Variants in CNTNAP5 observed in about 807,000 individuals in gnomAD.
CNTNAP5 encodes the protein contactin-associated protein-like 5.
A neutral mutation model predicts 150.2 loss-of-function variants in CNTNAP5; 72 were observed. The observed-to-expected ratio is 0.48, with a 90% confidence interval of 0.40 to 0.58. The LOEUF is 0.58. Ranked by LOEUF, CNTNAP5 falls within the 20% of genes least tolerant of loss-of-function variation. The probability of loss-of-function intolerance (pLI) is 0.00; values close to 1 mark genes in which losing one functional copy is unlikely to be tolerated. For missense variants in CNTNAP5, 1,636 were observed against 1,626.2 expected, an observed-to-expected ratio of 1.01 and a Z score of -0.10; for synonymous variants, 672 against 619.8, an observed-to-expected ratio of 1.08 and a Z score of -1.25.
intron 3 of CNTNAP5, among the ~76,000 whole-genome samples, chr2:124,318,827 T>C (rs1689031023): frequency 6.6e-6 from 1 of 152,088 alleles, no homozygotes; most frequent in Admixed American, 6.6e-5. Context: ...CTCCTAAATA[T>C]GCCTCCCTCT....
chr2:124,354,716 C>T (rs1359773509), intron 3 of CNTNAP5, among the ~76,000 whole-genome samples: 1 of 152,166 alleles, frequency 6.6e-6, no homozygotes, highest in African/African-American at 2.4e-5. Context: ...GCCACTCTTG[C>T]TTATTCTGAG....
intron 3 of CNTNAP5, among the ~76,000 whole-genome samples, chr2:124,344,178 G>C (rs1046332891): frequency 2.2e-4 from 34 of 151,988 alleles, no homozygotes; most frequent in Non-Finnish European, 2.9e-5. Context: ...ACCATATGCA[G>C]ACCATAGCAA....
intron 3 of CNTNAP5, among the ~76,000 whole-genome samples, chr2:124,389,585 C>T (rs780005): frequency 0.69 from 104,482 of 152,078 alleles, 36,994 homozygotes; most frequent in East Asian, 0.9. Context: ...ATTGCTTTGA[C>T]ACAATAAACA....
chr2:124,888,774 CT>C lies in CNTNAP5; in HGVS notation c.3437-14099del, dbSNP rs895353593. 7.3e-5 allele frequency among the ~76,000 whole-genome samples: 11 copies of C among 150,660 alleles called. No individual in the cohort carries two copies. The East Asian group carries it at 1.4e-3, about 19-fold the overall frequency. On this transcript the variant is annotated intron_variant, in intron 21 of 23. Coordinates refer to ENST00000682447, the MANE Select transcript of CNTNAP5 (RefSeq NM_001367498.1). ...GAAATGTCTGATCATGTCCTTTGCC[CT>C]TTTTTTTTAGTAAGGTTAACTGTTT...
At chr2:124,848,341 GAATT>G in intron 19 of CNTNAP5, among the ~76,000 whole-genome samples, 1 of 152,188 alleles carries the variant, frequency 6.6e-6, no homozygotes, top group Admixed American at 6.5e-5. Flanking sequence ...ATGTTATTGA[GAATT>G]AAAGTATTTT....
intron 3 of CNTNAP5, among the ~76,000 whole-genome samples, chr2:124,248,932 C>T (rs1687097818): frequency 6.6e-6 from 1 of 152,178 alleles, no homozygotes; most frequent in South Asian, 2.1e-4. Flanking sequence ...AAATCCACTG[C>T]TATTAAATTA....
intron 19 of CNTNAP5, among the ~76,000 whole-genome samples, chr2:124,802,974 G>C (rs1267877167): frequency 6.6e-6 from 1 of 152,008 alleles, no homozygotes; most frequent in Admixed American, 6.6e-5. Context: ...AATTAGCCAG[G>C]CATGGTGGCG....
chr2:124,093,016 G>A (rs1682850462), intron 1 of CNTNAP5, among the ~76,000 whole-genome samples: 2 of 152,170 alleles, frequency 1.3e-5, no homozygotes, highest in Non-Finnish European at 2.9e-5. Context: ...CATTTAAAAT[G>A]AATCAGTTGT....
intron 3 of CNTNAP5, among the ~76,000 whole-genome samples, chr2:124,377,680 AG>A (rs1690684738): frequency 8.2e-6 from 1 of 121,498 alleles, no homozygotes; most frequent in Admixed American, 7.9e-5. Flanking sequence ...CATCTCAAAA[AG>A]GAAAAAAAAA....
At position 124,690,508 on chromosome 2, in the gene CNTNAP5, A is replaced by G. The variant is rs997776144; in HGVS notation, c.2077+42550A>G. On this transcript the variant is annotated intron_variant, in intron 13 of 23. Transcript: ENST00000682447. ...GTTTCCAGTTCTTTGTTTCACCAATATCTGTTATGCAATGTTGCTTAAATT... is the reference window on the plus strand; with the variant it reads ...GTTTCCAGTTCTTTGTTTCACCAATGTCTGTTATGCAATGTTGCTTAAATT... 2.6e-5 allele frequency among the ~76,000 whole-genome samples: 4 copies of G among 152,074 alleles called. No individual in the cohort carries two copies. The East Asian group carries it at 7.7e-4, about 29-fold the overall frequency.
intron 3 of CNTNAP5, among the ~76,000 whole-genome samples, chr2:124,356,988 T>G (rs1690029202): frequency 6.6e-6 from 1 of 152,268 alleles, no homozygotes; most frequent in African/African-American, 2.4e-5. Flanking sequence ...GACTTTTTAA[T>G]GATTGCCATT....
chr2:124,189,439 C>A (rs997519800), intron 1 of CNTNAP5, among the ~76,000 whole-genome samples: 2 of 152,128 alleles, frequency 1.3e-5, no homozygotes, highest in African/African-American at 4.8e-5. Context: ...GCATTTTATT[C>A]ATCTTTTGAC....
intron 2 of CNTNAP5, among the ~76,000 whole-genome samples, chr2:124,237,251 G>A (rs998323640): frequency 2.0e-5 from 3 of 152,152 alleles, no homozygotes; most frequent in Non-Finnish European, 4.4e-5. Flanking sequence ...TTTGAAAGAC[G>A]GTTGTGAAAT....
chr2:124,693,201 A>T (rs987050699), intron 13 of CNTNAP5, among the ~76,000 whole-genome samples: 1 of 152,092 alleles, frequency 6.6e-6, no homozygotes, highest in Non-Finnish European at 1.5e-5. Context: ...CACTTTCCAC[A>T]AAGTGTGGAC....
rs138283548 is a variant in CNTNAP5, at chr2:124,909,439, C to G, written c.3656-2028C>G. Among the ~76,000 whole-genome samples the G allele has an allele frequency of 1.6e-3, 247 of 152,150 alleles. 1 individual carries two copies. Among genetic ancestry groups the G allele is most frequent in the African/African-American group, 5.7e-3 (238 of 41,530 alleles). ...ACACTCTATGATTTCCACACAACGACAAAATTGCCTAATGACACATTTCTC... is the reference window on the plus strand; with the variant it reads ...ACACTCTATGATTTCCACACAACGAGAAAATTGCCTAATGACACATTTCTC... On this transcript the variant is annotated intron_variant, in intron 22 of 23. Coordinates refer to ENST00000682447, the MANE Select transcript of CNTNAP5 (RefSeq NM_001367498.1).
intron 17 of CNTNAP5, among the ~76,000 whole-genome samples, chr2:124,780,423 C>T (rs1194365256): frequency 6.6e-6 from 1 of 152,170 alleles, no homozygotes; most frequent in Admixed American, 6.5e-5. Flanking sequence ...CACAAATCAA[C>T]AGAAATGTCT....
chr2:124,794,441 C>T (rs1277886570), intron 18 of CNTNAP5, among the ~76,000 whole-genome samples: 1 of 152,178 alleles, frequency 6.6e-6, no homozygotes, highest in Non-Finnish European at 1.5e-5. Context: ...GCTGACTCTT[C>T]TTATTGATTG....
chr2:124,746,224 T>C (rs559045894), intron 13 of CNTNAP5, among the ~76,000 whole-genome samples: 2 of 152,326 alleles, frequency 1.3e-5, no homozygotes, highest in Admixed American at 1.3e-4. Flanking sequence ...AGCCTAATGA[T>C]GTATAACACT....
chr2:124,149,504 A>G (rs1684352330), intron 1 of CNTNAP5, among the ~76,000 whole-genome samples: 2 of 151,292 alleles, frequency 1.3e-5, no homozygotes, highest in African/African-American at 4.9e-5. Flanking sequence ...TTACAGTTGC[A>G]TTATCTGTAT....
Sources: allele counts gnomAD v4.1 joint callset (sites outside exome capture counted in the v4.1 genomes callset), GRCh38; gene constraint gnomAD v4.1.1; transcripts MANE v1.5; gene names NCBI Gene and HGNC (gene_info 2026-07-23, HGNC 2026-07-21).